Variants in FDX2 observed in about 807,000 individuals in gnomAD.
FDX2 encodes the protein ferredoxin 2.
In FDX2, 13 loss-of-function variants were observed where a neutral mutation model predicts 18.5. The observed-to-expected ratio is 0.70, with a 90% CI of 0.46 to 1.12. The LOEUF (loss-of-function observed/expected upper bound fraction) is 1.12, where lower values mean the gene tolerates loss of function less well. Among genes scored for constraint, FDX2 ranks in the 50% most tolerant of loss-of-function variants. FDX2 has a pLI of 0.00. For synonymous variants in FDX2, 132 were observed against 106.2 expected (o/e 1.24, Z -1.49); for missense variants, 238 against 250.4 (o/e 0.95, Z 0.34).
At chr19:10,315,299 G>GAGAC (rs1356657101) in intron 3 of FDX2, 87 bp downstream of exon 3, 1 of 1,059,734 alleles carries the variant, frequency 9.4e-7, no homozygotes, top group Non-Finnish European at 1.3e-6. Context: ...AAGACGTGAA[G>GAGAC]AGACACACCT....
rs1182507346 is a variant in FDX2 at position 10,310,848 on chromosome 19, C to A, written c.404+5G>T. 6.2e-7 allele frequency: 1 copy of A among 1,613,212 alleles called. No homozygotes were observed. Among genetic ancestry groups the A allele is most frequent in the African/African-American group, 1.3e-5 (1 of 74,868 alleles). On this transcript the variant is annotated splice_donor_5th_base_variant and intron_variant, in intron 4 of 4. Transcript: ENST00000393708. ...CTGCCAGCTAGACAGGGCTGACCCA[C>A]TCACCTCTCCTCGGGAGGAGGCAGG...
chr19:10,311,774 G>A (rs2040327358), intron 3 of FDX2, among the ~76,000 whole-genome samples: 1 of 143,832 alleles, frequency 7.0e-6, no homozygotes, highest in Non-Finnish European at 1.5e-5. Flanking sequence ...CTCAGTCATA[G>A]CTTACTGCCT....
chr19:10,313,591 C>CT (rs775579668), intron 3 of FDX2, among the ~76,000 whole-genome samples: 1 of 138,854 alleles, frequency 7.2e-6, no homozygotes, highest in Non-Finnish European at 1.5e-5. Context: ...ATAACAGTCT[C>CT]TACTACTCAA....
intron 3 of FDX2, among the ~76,000 whole-genome samples, chr19:10,314,630 G>A (rs531093824): frequency 6.6e-6 from 1 of 152,286 alleles, no homozygotes; most frequent in South Asian, 2.1e-4. Flanking sequence ...GAGTAACTAG[G>A]GCATGGGTAC....
In FDX2 at chr19:10,310,846, C is replaced by T. The variant is rs1448535574; in HGVS notation, c.404+7G>A. 3 of 1,613,156 alleles carry T rather than the reference C, an allele frequency of 1.9e-6. No homozygotes were observed. The highest frequency in any genetic ancestry group is 2.5e-6 in the Non-Finnish European group (3 of 1,179,568). On this transcript the variant is annotated splice_region_variant and intron_variant, in intron 4 of 4. Coordinates refer to ENST00000393708, the MANE Select transcript of FDX2 (RefSeq NM_001031734.4). ...AGCTGCCAGCTAGACAGGGCTGACC[C>T]ACTCACCTCTCCTCGGGAGGAGGCA...
chr19:10,310,964 C>G, intron 3 of FDX2, 24 bp from the exon 4 acceptor site: 7 of 1,570,954 alleles, frequency 4.5e-6, no homozygotes, highest in Non-Finnish European at 6.1e-6. Context: ...GTGAAGGGGG[C>G]GCAGGTGAGT....
chr19:10,310,980 A>G, intron 3 of FDX2, 40 bp from the exon 4 acceptor site: 1 of 1,479,216 alleles, frequency 6.8e-7, no homozygotes. Flanking sequence ...TGAGTGGCAG[A>G]GTCAGGAAGG....
chr19:10,310,700 G>A, intron 4 of FDX2, 58 bp from the exon 5 acceptor site: 5 of 808,784 alleles, frequency 6.2e-6, no homozygotes, highest in Non-Finnish European at 9.6e-6. Flanking sequence ...TGGGTGGGGG[G>A]CCAGAGGTGG....
At chr19:10,315,567 G>A in intron 2 of FDX2, 75 bp from the exon 3 acceptor site, 2 of 1,554,830 alleles carry the variant, frequency 1.3e-6, no homozygotes, top group Non-Finnish European at 1.8e-6. Flanking sequence ...GGGTTAGGAA[G>A]TAGGAATTGA....
At position 10,315,509 on chromosome 19, in the gene FDX2, G is replaced by T. The variant is rs767328575; in HGVS notation, c.210-17C>A. Reference sequence around the variant, plus strand: ...ACGTTCACCCTGGGGACAGATGGAAGTGCGAATGCCGAACTGGATGATGGG... The same window carrying T: ...ACGTTCACCCTGGGGACAGATGGAATTGCGAATGCCGAACTGGATGATGGG... On this transcript the variant is annotated splice_polypyrimidine_tract_variant and intron_variant, in intron 2 of 4. Coordinates refer to ENST00000393708, the MANE Select transcript of FDX2 (RefSeq NM_001031734.4). 6.8e-6 allele frequency: 11 copies of T among 1,611,710 alleles called. No individual in the cohort carries two copies. The highest frequency in any genetic ancestry group is 8.5e-6 in the Non-Finnish European group (10 of 1,178,412).
At position 10,315,486 on chromosome 19, in the gene FDX2, G is replaced by C. The variant is rs748221418; in HGVS notation, c.216C>G (p.Asn72Lys). 1 of 1,613,572 alleles carries C rather than the reference G, an allele frequency of 6.2e-7. No homozygotes were observed. Among genetic ancestry groups the C allele is most frequent in the Non-Finnish European group, 8.5e-7 (1 of 1,179,892 alleles). ...GGCCTGAGCGGTCTACGAACACCAC[G>C]TTCACCCTGGGGACAGATGGAAGTG... The change falls in exon 3 of 5, where the codon AAC becomes AAG. Residue 72 changes from asparagine to lysine, a missense_variant. Physicochemically the swap from Asn to Lys is moderately conservative, Grantham distance 94. Coordinates refer to ENST00000393708, the MANE Select transcript of FDX2 (RefSeq NM_001031734.4).
At chr19:10,313,672 T>A (rs1222421467) in intron 3 of FDX2, among the ~76,000 whole-genome samples, 1 of 22,752 alleles carries the variant, frequency 4.4e-5, no homozygotes, top group Non-Finnish European at 7.1e-5. Flanking sequence ...TATATATATA[T>A]TTTTTTTTTT....
At chr19:10,312,212 A>G (rs1417197715) in intron 3 of FDX2, among the ~76,000 whole-genome samples, 1 of 118,620 alleles carries the variant, frequency 8.4e-6, no homozygotes, top group Non-Finnish European at 1.6e-5. Context: ...GACGAGGTTC[A>G]CCATGTGGCC....
chr19:10,310,697 G>A, intron 4 of FDX2, 55 bp from the exon 5 acceptor site: 1 of 1,523,716 alleles, frequency 6.6e-7, no homozygotes, highest in South Asian at 1.1e-5. Flanking sequence ...GGGTGGGTGG[G>A]GGGCCAGAGG....
At chr19:10,315,337 T>TTTTTG (rs1568307785) in intron 3 of FDX2, 49 bp downstream of exon 3, 1 of 1,064,558 alleles carries the variant, frequency 9.4e-7, no homozygotes, top group Non-Finnish European at 1.3e-6. Flanking sequence ...TTTTTTTTTT[T>TTTTTG]TGGACAAATG....
rs568980844 is a variant in FDX2, at chr19:10,310,410, G to A, written c.*76C>T. The A allele has an allele frequency of 2.5e-5, 40 of 1,593,150 alleles. No individual in the cohort carries two copies. The South Asian group carries it at 4.5e-4, about 18-fold the overall frequency. On this transcript the variant is annotated 3_prime_UTR_variant, in exon 5 of 5. Transcript: ENST00000393708. ...TCTCCCGGGCCTGTCCGCACTCTGG[G>A]CAGGGCTGGCACCTGGCTATTCCCT...
intron 3 of FDX2, 150 bp downstream of exon 3, chr19:10,315,236 A>G: frequency 1.6e-6 from 1 of 617,348 alleles, no homozygotes; most frequent in Non-Finnish European, 2.8e-6. Context: ...GAGCTTGGCA[A>G]CAGATGAGGC....
chr19:10,315,407 G>C lies in FDX2; in HGVS notation c.295C>G (p.Arg99Gly). Residue 99 changes from arginine to glycine, a missense_variant, in exon 3 of 5, where the codon CGC becomes GGC. By Grantham distance (125) the Arg-to-Gly change is moderately radical (BLOSUM62 -2). Transcript: ENST00000393708. ...CTACCTTCCAGGTCCACCCCGTGGC[G>C]CTGGGCCAGGTGAAGAACATTGTCC... is the stretch of plus-strand genomic sequence containing the variant. 2 of 1,610,882 alleles carry C rather than the reference G, an allele frequency of 1.2e-6. No homozygotes were observed. Among genetic ancestry groups the C allele is most frequent in the Admixed American group, 3.4e-5 (2 of 59,598 alleles).
chr19:10,314,802 AC>A (rs1471607390), intron 3 of FDX2, among the ~76,000 whole-genome samples: 4 of 152,108 alleles, frequency 2.6e-5, no homozygotes, highest in African/African-American at 9.6e-5. Flanking sequence ...TGTTTGAGGA[AC>A]CACAAGAAAG....
Sources: gnomAD v4.1 joint callset for allele counts (sites outside exome capture counted in the v4.1 genomes callset) on GRCh38, gnomAD v4.1.1 for gene constraint, MANE v1.5 for transcripts, NCBI Gene and HGNC (gene_info 2026-07-23, HGNC 2026-07-21) for gene names.